The following HMGN3 variants were observed in gnomAD, a reference collection of about 807,000 sequenced individuals.
The protein encoded by HMGN3 is high mobility group nucleosomal binding domain 3, also known as high mobility group nucleosome-binding domain-containing protein 3.
In HMGN3, 6 loss-of-function variants were observed where a neutral mutation model predicts 18.8. The ratio of observed to expected loss-of-function variants is 0.32; its 90% CI spans 0.18 to 0.63. HMGN3 has a LOEUF of 0.63. Ranked by LOEUF, HMGN3 falls within the 30% of genes least tolerant of loss-of-function variation. The probability of loss-of-function intolerance (pLI) is 0.79; values close to 1 mark genes in which losing one functional copy is unlikely to be tolerated. For synonymous variants in HMGN3, 40 were observed against 36.5 expected, an observed-to-expected ratio of 1.10 and a Z score of -0.35; for missense variants, 107 against 114.2, an observed-to-expected ratio of 0.94 and a Z score of 0.29.
rs555537216 is a variant in HMGN3, at chr6:79,228,703, C to T, written c.15+5843G>A. On this transcript the variant is annotated intron_variant, in intron 1 of 5. Coordinates refer to ENST00000344726, the Ensembl canonical transcript of HMGN3. ...CCAGATTTAAAATCTTACTATAAAA[C>T]CATAATAATCAAGATACCAAGATAG... 6.6e-5 allele frequency among the ~76,000 whole-genome samples: 10 copies of T among 152,202 alleles called. No individual in the cohort carries two copies. In the South Asian group the frequency reaches 1.9e-3, roughly 28 times the overall value.
chr6:79,220,922 C>G (rs895107350), intron 1 of HMGN3, among the ~76,000 whole-genome samples: 1 of 151,692 alleles, frequency 6.6e-6, no homozygotes, highest in African/African-American at 2.4e-5. Flanking sequence ...GGAAACTGAA[C>G]TTTAATAATT....
chr6:79,212,978 A>G (rs1035349921), intron 2 of HMGN3, among the ~76,000 whole-genome samples: 18 of 152,186 alleles, frequency 1.2e-4, no homozygotes, highest in African/African-American at 4.3e-4. Context: ...AATGACAGGT[A>G]GAGCCTTATC....
intron 1 of HMGN3, among the ~76,000 whole-genome samples, chr6:79,225,473 A>T (rs1777521318): frequency 6.6e-6 from 1 of 152,198 alleles, no homozygotes; most frequent in Non-Finnish European, 1.5e-5. Flanking sequence ...CACGAGTTCC[A>T]AAAACAAAAG....
intron 1 of HMGN3, among the ~76,000 whole-genome samples, chr6:79,225,074 T>C (rs1275427453): frequency 6.6e-6 from 1 of 152,226 alleles, no homozygotes; most frequent in Non-Finnish European, 1.5e-5. Context: ...AAGGAGCCTT[T>C]AAAGCTTCAC....
intron 1 of HMGN3, among the ~76,000 whole-genome samples, chr6:79,232,230 T>C (rs1193701239): frequency 6.6e-6 from 1 of 152,180 alleles, no homozygotes; most frequent in Non-Finnish European, 1.5e-5. Flanking sequence ...CCAGTTCTTT[T>C]TTGTATCTAA....
At chr6:79,229,979 A>C (rs1777763268) in intron 1 of HMGN3, among the ~76,000 whole-genome samples, 1 of 152,232 alleles carries the variant, frequency 6.6e-6, no homozygotes, top group Non-Finnish European at 1.5e-5. Flanking sequence ...GCAATCACTT[A>C]TTTACAAATA....
chr6:79,211,235 T>G (rs1776674317), intron 2 of HMGN3, among the ~76,000 whole-genome samples: 2 of 152,150 alleles, frequency 1.3e-5, no homozygotes, highest in Non-Finnish European at 2.9e-5. Context: ...AACCTTTCAC[T>G]CAGTCAGCAG....
chr6:79,224,206 G>C (rs1007601061), intron 1 of HMGN3, among the ~76,000 whole-genome samples: 1 of 152,194 alleles, frequency 6.6e-6, no homozygotes, highest in African/African-American at 2.4e-5. Context: ...AGTATTAACA[G>C]AAGAGCTGGA....
intron 1 of HMGN3, among the ~76,000 whole-genome samples, chr6:79,220,903 T>C (rs866177354): frequency 1.5e-4 from 23 of 152,308 alleles, no homozygotes; most frequent in African/African-American, 4.3e-4. Context: ...ACCAAGGGGA[T>C]GTTTCAAAGG....
chr6:79,233,085 G>A (rs771856317), intron 1 of HMGN3, among the ~76,000 whole-genome samples: 3 of 152,136 alleles, frequency 2.0e-5, no homozygotes, highest in African/African-American at 4.8e-5. Flanking sequence ...TACGAAATGG[G>A]TGAGAATAAG....
Position 79,223,446 on chromosome 6 carries a change from G to A in HMGN3, c.16-8424C>T, listed in dbSNP as rs1277334765. On this transcript the variant is annotated intron_variant, in intron 1 of 5. Coordinates refer to ENST00000344726, the Ensembl canonical transcript of HMGN3. ...GAATTGCTTGAACCTGGGAGGCAGAGGTTGCAGTGAGCCGAGATCGCGCCA... is the reference window on the plus strand; with the variant it reads ...GAATTGCTTGAACCTGGGAGGCAGAAGTTGCAGTGAGCCGAGATCGCGCCA... Among the ~76,000 whole-genome samples the A allele has an allele frequency of 3.3e-5, 5 of 152,178 alleles. No individual in the cohort carries two copies. In the East Asian group the frequency reaches 9.6e-4, roughly 29 times the overall value.
intron 1 of HMGN3, 46 bp downstream of exon 1, chr6:79,234,500 A>C: frequency 6.3e-7 from 1 of 1,594,722 alleles, no homozygotes; most frequent in Non-Finnish European, 8.6e-7. Flanking sequence ...CATTTACTGT[A>C]AGCAGAATTT....
intron 3 of HMGN3, among the ~76,000 whole-genome samples, chr6:79,205,088 G>C (rs563776848): frequency 6.6e-6 from 1 of 152,076 alleles, no homozygotes; most frequent in East Asian, 1.9e-4. Flanking sequence ...GCTCTGTTTC[G>C]GTAGCACAGG....
chr6:79,216,987 CA>C (rs758921058), intron 1 of HMGN3, among the ~76,000 whole-genome samples: 1 of 152,164 alleles, frequency 6.6e-6, no homozygotes, highest in African/African-American at 2.4e-5. Context: ...ACATTATTTT[CA>C]TATTTTTCTA....
intron 1 of HMGN3, among the ~76,000 whole-genome samples, chr6:79,218,416 G>A (rs746425950): frequency 1.3e-5 from 2 of 151,918 alleles, no homozygotes; most frequent in Non-Finnish European, 2.9e-5. Flanking sequence ...AAGTAGAAAC[G>A]ACCTAAACAT....
chr6:79,204,155 C>T (rs372334310), intron 3 of HMGN3, among the ~76,000 whole-genome samples: 5 of 152,140 alleles, frequency 3.3e-5, no homozygotes, highest in Admixed American at 2.0e-4. Flanking sequence ...CAAGCTTCTT[C>T]CTACTTTTAT....
intron 1 of HMGN3, among the ~76,000 whole-genome samples, chr6:79,227,088 T>G (rs931907135): frequency 2.0e-5 from 3 of 152,202 alleles, no homozygotes; most frequent in Non-Finnish European, 4.4e-5. Context: ...ACAGCTTAAA[T>G]GGTGTTTATT....
In HMGN3 at chr6:79,230,859, G is replaced by A. The variant is rs73764445; in HGVS notation, c.15+3687C>T. 4.9e-3 allele frequency among the ~76,000 whole-genome samples: 751 copies of A among 151,876 alleles called. 8 individuals carry two copies. Among genetic ancestry groups the A allele is most frequent in the African/African-American group, 0.017 (706 of 41,384 alleles). ...TTTTCATTTACAGTTTCTGTTTTTG[G>A]TGTTATGACAAGTAATATTCTTTTC... is the stretch of plus-strand genomic sequence containing the variant. On this transcript the variant is annotated intron_variant, in intron 1 of 5. Transcript: ENST00000344726.
At chr6:79,228,859 T>G (rs879391465) in intron 1 of HMGN3, among the ~76,000 whole-genome samples, 1 of 152,144 alleles carries the variant, frequency 6.6e-6, no homozygotes. Context: ...GAGCCACTGC[T>G]CACCTAGCCA....
Sources: allele counts gnomAD v4.1 joint callset (sites outside exome capture counted in the v4.1 genomes callset), GRCh38; gene constraint gnomAD v4.1.1; transcripts MANE v1.5; gene names NCBI Gene and HGNC (gene_info 2026-07-23, HGNC 2026-07-21).